ZNF160: variants seen among roughly 807,000 people sequenced by gnomAD.
ZNF160 encodes the protein zinc finger protein 160, also known as KRAB zinc finger protein KR18.
A neutral mutation model predicts 13.1 loss-of-function variants in ZNF160; 9 were observed. The observed-to-expected ratio is 0.69, with a 90% CI of 0.41 to 1.20. ZNF160 has a LOEUF of 1.20. Among genes scored for constraint, ZNF160 ranks in the 50% most tolerant of loss-of-function variants. The pLI is 0.01. For missense variants in ZNF160, 838 were observed against 988.0 expected, an observed-to-expected ratio of 0.85 and a Z score of 2.04; for synonymous variants, 293 against 333.2, an observed-to-expected ratio of 0.88 and a Z score of 1.31.
intron 5 of ZNF160, among the ~76,000 whole-genome samples, chr19:53,072,166 A>G (rs113235325): frequency 0.029 from 4,369 of 148,272 alleles, 174 homozygotes; most frequent in African/African-American, 0.1. Context: ...TAGTGCTGCG[A>G]TCTTGGCTTG....
chr19:53,100,467 G>T (rs187396369), intron 1 of ZNF160, among the ~76,000 whole-genome samples: 2 of 152,006 alleles, frequency 1.3e-5, no homozygotes, highest in Admixed American at 1.3e-4. Flanking sequence ...AAAATTTGCC[G>T]GGCGTGGTGG....
chr19:53,085,836 T>G, intron 3 of ZNF160: 1 of 492,622 alleles, frequency 2.0e-6, no homozygotes. Context: ...CAGTTACCAA[T>G]GAGGCAGGAA....
At position 53,074,224 on chromosome 19, in the gene ZNF160, C is replaced by A; in HGVS notation, c.187G>T (p.Gly63Trp). 1 of 1,614,152 alleles carries A rather than the reference C, an allele frequency of 6.2e-7. No homozygotes were observed. Among genetic ancestry groups the A allele is most frequent in the Non-Finnish European group, 8.5e-7 (1 of 1,180,026 alleles). The change falls in exon 5 of 6, where the codon GGG becomes TGG. Residue 63 changes from glycine (G) to tryptophan (W), a missense_variant. Around this residue, in one of 3 missense-constraint regions of ZNF160, gnomAD observed 387 missense variants for 402.3 expected, o/e 0.96. Transcript: ENST00000683776. ...DMNIISMLEE[G>W]KEPWTVKSCV... ...CTCTTCACAGTCCAGGGCTCTTTCC[C>A]TTCCTCCAACATGGAGATAATATTC... is the stretch of plus-strand genomic sequence containing the variant.
At position 53,068,096 on chromosome 19, in the gene ZNF160, C is replaced by T; in HGVS notation, c.2438G>A (p.Gly813Glu). 1 of 1,607,954 alleles carries T rather than the reference C, an allele frequency of 6.2e-7. No homozygotes were observed. The highest frequency in any genetic ancestry group is 8.5e-7 in the Non-Finnish European group (1 of 1,176,678). The change falls in exon 6 of 6, where the codon GGA becomes GAA. Residue 813 changes from glycine (G) to glutamate (E), a missense_variant. By Grantham distance (98) the Gly-to-Glu change is moderately conservative. Around this residue, in one of 3 missense-constraint regions of ZNF160, gnomAD observed 51 missense variants for 46.9 expected, o/e 1.09. Transcript: ENST00000683776. ...CCACACTCATTTGTAAGGTTTCTCT[C>T]CGGTATGCATTCTGTGATGACTTGC... ...NLASHHRMHT[G>E]EKPYK is the part of the protein sequence containing the mutation.
At chr19:53,074,693 C>A (rs2084317745) in intron 4 of ZNF160, among the ~76,000 whole-genome samples, 1 of 148,152 alleles carries the variant, frequency 6.7e-6, no homozygotes. Flanking sequence ...AAAAATCATC[C>A]ACTGAATGCC....
At chr19:53,090,845 G>A (rs868366896) in intron 2 of ZNF160, among the ~76,000 whole-genome samples, 3 of 152,204 alleles carry the variant, frequency 2.0e-5, no homozygotes, top group Non-Finnish European at 2.9e-5. Context: ...TGCACCTCGC[G>A]GGTGAGGACC....
chr19:53,101,197 T>G (rs953935354), intron 1 of ZNF160, among the ~76,000 whole-genome samples: 2 of 152,144 alleles, frequency 1.3e-5, no homozygotes, highest in African/African-American at 4.8e-5. Flanking sequence ...GGAGAATCAC[T>G]TGAACCCAGG....
At chr19:53,097,440 T>A (rs148719508) in intron 1 of ZNF160, among the ~76,000 whole-genome samples, 3 of 151,172 alleles carry the variant, frequency 2.0e-5, no homozygotes, top group African/African-American at 7.4e-5. Flanking sequence ...ACTCCCCATA[T>A]ACTTCATAAA....
intron 3 of ZNF160, among the ~76,000 whole-genome samples, chr19:53,083,624 G>A (rs1186053379): frequency 2.6e-5 from 4 of 152,234 alleles, no homozygotes; most frequent in Non-Finnish European, 4.4e-5. Context: ...ACCAAGCCGG[G>A]CACAATGGCT....
chr19:53,098,055 C>A (rs553616358), intron 1 of ZNF160, among the ~76,000 whole-genome samples: 1 of 152,340 alleles, frequency 6.6e-6, no homozygotes, highest in African/African-American at 2.4e-5. Flanking sequence ...TAAATTCCTG[C>A]ATGCAAATCT....
intron 1 of ZNF160, among the ~76,000 whole-genome samples, chr19:53,102,688 T>C (rs2085489787): frequency 6.6e-6 from 1 of 152,232 alleles, no homozygotes; most frequent in Admixed American, 6.5e-5. Flanking sequence ...TCAGTGGCTC[T>C]TTGTCTCTCT....
chr19:53,095,942 G>C (rs1251765624), intron 1 of ZNF160, among the ~76,000 whole-genome samples: 3 of 152,182 alleles, frequency 2.0e-5, no homozygotes, highest in Non-Finnish European at 4.4e-5. Context: ...ATATGGTCAG[G>C]TGCGGTGACT....
rs758664123 is a variant in ZNF160, at chr19:53,070,309, G to A, written c.272-47C>T. The A allele has an allele frequency of 8.3e-6, 12 of 1,451,252 alleles. No individual in the cohort carries two copies. The South Asian group carries it at 1.5e-4, about 18-fold the overall frequency. The allele number at this position is 1,451,252 out of a possible 1,614,324, so 89.9% of individuals were successfully genotyped here. On this transcript the variant is annotated intron_variant, in intron 5 of 5. Transcript: ENST00000683776. ...ATAATTTCCAATTAATTACAGTATAGAAATAAATATTTTACATTGAAAACA... is the reference window on the plus strand; with the variant it reads ...ATAATTTCCAATTAATTACAGTATAAAAATAAATATTTTACATTGAAAACA...
Position 53,075,116 on chromosome 19 carries a change from G to C in ZNF160, c.83C>G (p.Ala28Gly). The C allele has an allele frequency of 6.2e-7, 1 of 1,614,202 alleles. No individual in the cohort carries two copies. Among genetic ancestry groups the C allele is most frequent in the Non-Finnish European group, 8.5e-7 (1 of 1,180,028 alleles). ...SQEEWKCLDP[A>G]QRILYRDVML... ...CACGTCCCTGTATAAGATCCTCTGA[G>C]CAGGGTCCAGGCATTTCCACTCCTC... The change falls in exon 4 of 6, where the codon GCT (alanine) becomes GGT (glycine). Residue 28 changes from alanine to glycine, a missense_variant. Ala to Gly is a moderately conservative substitution (Grantham distance 60). Coordinates refer to ENST00000683776, the MANE Select transcript of ZNF160 (RefSeq NM_001322131.2).
intron 5 of ZNF160, chr19:53,073,487 A>G: frequency 6.3e-7 from 1 of 1,598,114 alleles, no homozygotes. Context: ...GCAGCAGCCA[A>G]TGTTTCCATC....
intron 3 of ZNF160, chr19:53,075,829 C>T (rs1273962099): frequency 1.9e-6 from 1 of 518,788 alleles, no homozygotes; most frequent in Non-Finnish European, 3.8e-6. Context: ...TCACAATTCA[C>T]AGCTGGTCAT....
In ZNF160 at chr19:53,087,944, C is replaced by T. The variant is rs1467563729; in HGVS notation, c.-45-1623G>A. Among the ~76,000 whole-genome samples the T allele has an allele frequency of 2.6e-5, 4 of 152,284 alleles. No homozygotes were observed. In the East Asian group the frequency reaches 5.8e-4, roughly 22 times the overall value. On this transcript the variant is annotated intron_variant, in intron 2 of 5. Transcript: ENST00000683776. The stretch of plus-strand genomic sequence containing the variant: ...GACAACTAGACACAGGATTCTAGAC[C>T]TCAGAGGAGGGTCTGCAGGGTACAT...
chr19:53,073,358 C>T (rs1430968591), intron 5 of ZNF160: 2 of 1,598,190 alleles, frequency 1.3e-6, no homozygotes, highest in African/African-American at 2.7e-5. Context: ...AACCCACTCG[C>T]TTATCACACA....
At position 53,101,359 on chromosome 19, in the gene ZNF160, T is replaced by C. The variant is rs1482053408; in HGVS notation, c.-354+1906A>G. Among the ~76,000 whole-genome samples, 4 of 151,652 alleles carry C rather than the reference T, an allele frequency of 2.6e-5. No individual in the cohort carries two copies. The South Asian group carries it at 6.2e-4, about 24-fold the overall frequency. ...AGTATTTCCAATATATGATAAAGAG[T>C]AGAAAGCATGCAGACCTCAATCTGA... On this transcript the variant is annotated intron_variant, in intron 1 of 5. Coordinates refer to ENST00000683776, the MANE Select transcript of ZNF160 (RefSeq NM_001322131.2).
Sources: gnomAD v4.1 joint callset for allele counts (sites outside exome capture counted in the v4.1 genomes callset) on GRCh38, gnomAD v4.1.1 for gene constraint, gnomAD v4.1.1 regional missense constraint, MANE v1.5 for transcripts, NCBI Gene and HGNC (gene_info 2026-07-23, HGNC 2026-07-21) for gene names.